ADK: variants seen among roughly 807,000 people sequenced by gnomAD.
The protein encoded by ADK is N6,N6-dimethyladenosine kinase.
In ADK, 24 loss-of-function variants were observed where a neutral mutation model predicts 44.7. The ratio of observed to expected loss-of-function variants is 0.54; its 90% CI spans 0.39 to 0.76. The LOEUF is 0.76. ADK is among the 30% of genes least tolerant of loss of function. The probability of loss-of-function intolerance (pLI) is 0.00; values close to 1 mark genes in which losing one functional copy is unlikely to be tolerated. For synonymous variants in ADK, 128 were observed against 142.6 expected (o/e 0.90, Z 0.73); for missense variants, 321 against 425.1 (o/e 0.76, Z 2.15).
At chr10:74,195,182 C>T (rs970809426) in intron 1 of ADK, among the ~76,000 whole-genome samples, 11 of 151,720 alleles carry the variant, frequency 7.3e-5, no homozygotes, top group South Asian at 4.1e-4. Flanking sequence ...AATCCCAGTA[C>T]GGGTTAGTCA....
At chr10:74,324,052 T>C (rs1340257375) in intron 4 of ADK, among the ~76,000 whole-genome samples, 1 of 152,082 alleles carries the variant, frequency 6.6e-6, no homozygotes, top group Non-Finnish European at 1.5e-5. Flanking sequence ...AGATGGCATC[T>C]TGCTCTGTCT....
chr10:74,616,520 A>G (rs1852765647), intron 9 of ADK, among the ~76,000 whole-genome samples: 1 of 152,146 alleles, frequency 6.6e-6, no homozygotes, highest in Non-Finnish European at 1.5e-5. Flanking sequence ...CACCTTTGTC[A>G]TGTTTCAGAT....
intron 10 of ADK, among the ~76,000 whole-genome samples, chr10:74,695,459 C>T (rs921711109): frequency 4.8e-5 from 7 of 146,942 alleles, no homozygotes; most frequent in African/African-American, 1.5e-4. Flanking sequence ...AACTGTTGCT[C>T]TTGTATATAT....
At chr10:74,176,852 G>T (rs1448138213) in intron 1 of ADK, 3 of 1,607,892 alleles carry the variant, frequency 1.9e-6, no homozygotes, top group Non-Finnish European at 2.5e-6. Context: ...GCGCCGTGGC[G>T]CTGGGCAGGA....
intron 7 of ADK, among the ~76,000 whole-genome samples, chr10:74,567,527 G>T (rs1222646111): frequency 2.6e-5 from 4 of 151,950 alleles, no homozygotes; most frequent in Non-Finnish European, 5.9e-5. Flanking sequence ...CAGGCAAATG[G>T]ACTACTTACT....
intron 7 of ADK, chr10:74,527,452 A>G (rs570745258): frequency 1.9e-6 from 1 of 514,862 alleles, no homozygotes; most frequent in South Asian, 2.2e-5. Flanking sequence ...GAATGCCATA[A>G]AAAATGCTAT....
intron 6 of ADK, among the ~76,000 whole-genome samples, chr10:74,473,852 G>T (rs1034651960): frequency 2.6e-5 from 4 of 152,100 alleles, no homozygotes; most frequent in Non-Finnish European, 5.9e-5. Context: ...AATACAAAAT[G>T]AATAGTGTTT....
At chr10:74,612,647 C>A (rs1852599981) in intron 9 of ADK, among the ~76,000 whole-genome samples, 2 of 151,922 alleles carry the variant, frequency 1.3e-5, no homozygotes, top group Admixed American at 1.3e-4. Context: ...TTACAATGGT[C>A]AATTTTTATT....
intron 2 of ADK, among the ~76,000 whole-genome samples, chr10:74,221,822 A>G (rs2132233727): frequency 6.7e-6 from 1 of 149,330 alleles, no homozygotes; most frequent in East Asian, 1.9e-4. Context: ...AGCCATATGG[A>G]GAAAGCTGAA....
At chr10:74,468,991 G>A (rs1846456865) in intron 6 of ADK, among the ~76,000 whole-genome samples, 1 of 152,026 alleles carries the variant, frequency 6.6e-6, no homozygotes, top group Admixed American at 6.6e-5. Flanking sequence ...GTGTGAGAGA[G>A]AGAGATCTAG....
chr10:74,563,966 A>G (rs1850553329), intron 7 of ADK, among the ~76,000 whole-genome samples: 2 of 152,086 alleles, frequency 1.3e-5, no homozygotes, highest in Non-Finnish European at 2.9e-5. Flanking sequence ...CTATGTATAC[A>G]TGTGCCATGC....
rs1849108595 is a variant in ADK at position 74,527,648 on chromosome 10, T to C, written c.726+2222T>C. The C allele has an allele frequency of 4.7e-6, 4 of 844,236 alleles. No homozygotes were observed. The South Asian group carries it at 5.3e-5, about 11-fold the overall frequency. The allele number at this position is 844,236 out of a possible 1,614,324, so 52.3% of individuals were successfully genotyped here. The stretch of plus-strand genomic sequence containing the variant: ...TCAGGAATCTTATGGCCTCTGAATA[T>C]TTTGGCATCTTCAGCCTACCAAAAC... On this transcript the variant is annotated intron_variant, in intron 7 of 10. Transcript: ENST00000539909.
chr10:74,528,917 GTGGGAATGTAAAA>G (rs1420672248), intron 7 of ADK, among the ~76,000 whole-genome samples: 1 of 152,150 alleles, frequency 6.6e-6, no homozygotes, highest in Non-Finnish European at 1.5e-5. Flanking sequence ...TGTATTGCTG[GTGGGAATGTAAAA>G]TGGGAATGTA....
intron 3 of ADK, among the ~76,000 whole-genome samples, chr10:74,296,711 A>C (rs1040375410): frequency 2.0e-5 from 3 of 150,486 alleles, no homozygotes; most frequent in African/African-American, 4.9e-5. Context: ...TCCCAGGTTC[A>C]CACCATTCGC....
intron 3 of ADK, among the ~76,000 whole-genome samples, chr10:74,297,143 G>A (rs1312970482): frequency 1.3e-5 from 2 of 152,212 alleles, no homozygotes; most frequent in Admixed American, 6.5e-5. Context: ...TATTAAACGA[G>A]TTTGTGGGTG....
At chr10:74,673,728 G>C (rs1433554664) in intron 10 of ADK, among the ~76,000 whole-genome samples, 1 of 152,184 alleles carries the variant, frequency 6.6e-6, no homozygotes, top group African/African-American at 2.4e-5. Context: ...CCGAGTTCTT[G>C]TCCGGCATCC....
At chr10:74,197,185 A>G (rs555201787) in intron 1 of ADK, among the ~76,000 whole-genome samples, 16 of 152,298 alleles carry the variant, frequency 1.1e-4, no homozygotes, top group South Asian at 2.1e-4. Flanking sequence ...CCAGGGATCA[A>G]TTCCACCCAA....
intron 9 of ADK, among the ~76,000 whole-genome samples, chr10:74,637,683 G>A (rs1589321192): frequency 1.3e-5 from 2 of 152,170 alleles, no homozygotes; most frequent in South Asian, 4.1e-4. Context: ...AAATTAGATA[G>A]CCATTTGTGG....
intron 6 of ADK, among the ~76,000 whole-genome samples, chr10:74,417,689 A>T (rs1030316833): frequency 1.3e-4 from 19 of 151,988 alleles, no homozygotes; most frequent in African/African-American, 4.4e-4. Flanking sequence ...AATTTCCATA[A>T]CTATCATTTC....
Sources: allele counts gnomAD v4.1 joint callset (sites outside exome capture counted in the v4.1 genomes callset), GRCh38; gene constraint gnomAD v4.1.1; transcripts MANE v1.5; gene names NCBI Gene and HGNC (gene_info 2026-07-23, HGNC 2026-07-21).